The following LRRC36 variants were observed in gnomAD, a reference collection of about 807,000 sequenced individuals.
LRRC36 encodes leucine rich repeat containing 36.
LRRC36 carries 62 observed loss-of-function variants against 81.1 expected under a neutral mutation model. The observed-to-expected ratio is 0.76, with a 90% CI of 0.62 to 0.94. The LOEUF is 0.94. Among genes scored for constraint, LRRC36 ranks in the 40% least tolerant of loss-of-function variants. The pLI, the probability that LRRC36 is intolerant of heterozygous loss-of-function variation, is 0.00. For synonymous variants in LRRC36, 334 were observed against 348.6 expected, an observed-to-expected ratio of 0.96 and a Z score of 0.47; for missense variants, 761 against 881.7, an observed-to-expected ratio of 0.86 and a Z score of 1.73.
Position 67,375,328 on chromosome 16 carries a change from GC to G in LRRC36, c.1578del (p.Thr527LeufsTer38), listed in dbSNP as rs2039845489. 4 of 1,612,294 alleles carry G rather than the reference GC, an allele frequency of 2.5e-6. No homozygotes were observed. In the East Asian group the frequency reaches 8.9e-5, roughly 36 times the overall value. On this transcript the variant is annotated frameshift_variant, in exon 10 of 14. Coordinates refer to ENST00000329956, the MANE Select transcript of LRRC36 (RefSeq NM_018296.6). LOFTEE classifies it high-confidence loss of function. ...PPISARTPHV[A>X]TVLRQLLELV... ...CATCTCTGCCAGAACCCCCCATGTG[GC>G]CACTGTCCTCAGACAGCTCCTGGAG... is the stretch of plus-strand genomic sequence containing the variant.
intron 1 of LRRC36, among the ~76,000 whole-genome samples, chr16:67,330,583 T>A (rs2037433657): frequency 6.6e-6 from 1 of 152,084 alleles, no homozygotes; most frequent in Non-Finnish European, 1.5e-5. Flanking sequence ...GTCTTAGGGC[T>A]GGGCATGGTC....
At chr16:67,342,760 A>G (rs1349600900) in intron 2 of LRRC36, among the ~76,000 whole-genome samples, 1 of 152,198 alleles carries the variant, frequency 6.6e-6, no homozygotes, top group Non-Finnish European at 1.5e-5. Context: ...ATTTTGCCCA[A>G]GCTCTGCACC....
chr16:67,341,566 A>AT (rs2038083861), intron 1 of LRRC36, among the ~76,000 whole-genome samples: 2 of 151,116 alleles, frequency 1.3e-5, no homozygotes, highest in African/African-American at 4.9e-5. Flanking sequence ...TTTCTTTTTA[A>AT]TTTTTTTTAC....
At chr16:67,358,809 G>T (rs1025193849) in intron 5 of LRRC36, among the ~76,000 whole-genome samples, 5 of 152,080 alleles carry the variant, frequency 3.3e-5, no homozygotes, top group Non-Finnish European at 5.9e-5. Context: ...CTATTCATCT[G>T]GGAAATGCAA....
At chr16:67,342,388 G>C (rs2038131457) in intron 2 of LRRC36, among the ~76,000 whole-genome samples, 1 of 152,128 alleles carries the variant, frequency 6.6e-6, no homozygotes, top group African/African-American at 2.4e-5. Flanking sequence ...TAGAAGTACA[G>C]ATTCTCAGTC....
chr16:67,360,501 T>A (rs554563837), intron 5 of LRRC36, among the ~76,000 whole-genome samples: 2 of 152,284 alleles, frequency 1.3e-5, no homozygotes, highest in African/African-American at 4.8e-5. Context: ...TACTAACCAT[T>A]CTCATTTGCA....
intron 6 of LRRC36, among the ~76,000 whole-genome samples, chr16:67,364,132 A>G (rs2039281727): frequency 6.6e-6 from 1 of 152,214 alleles, no homozygotes; most frequent in Admixed American, 6.5e-5. Flanking sequence ...TGACTTTCCC[A>G]AAGCTGCCTC....
chr16:67,368,134 T>C (rs988871426), intron 8 of LRRC36, among the ~76,000 whole-genome samples: 4 of 152,188 alleles, frequency 2.6e-5, no homozygotes, highest in Non-Finnish European at 5.9e-5. Flanking sequence ...ACCAAACTCA[T>C]TGAACACCTA....
At chr16:67,378,806 G>C in intron 12 of LRRC36, 94 bp downstream of exon 12, 1 of 1,421,954 alleles carries the variant, frequency 7.0e-7, no homozygotes, top group East Asian at 2.4e-5. Flanking sequence ...GCTAGCTCAC[G>C]TGGCTGCCTT....
At chr16:67,359,695 T>C (rs2039059756) in intron 5 of LRRC36, among the ~76,000 whole-genome samples, 1 of 152,208 alleles carries the variant, frequency 6.6e-6, no homozygotes. Context: ...ACTTGGTAAT[T>C]GAGATTTCAG....
At chr16:67,334,732 A>G (rs1260417774) in intron 1 of LRRC36, among the ~76,000 whole-genome samples, 2 of 152,118 alleles carry the variant, frequency 1.3e-5, no homozygotes, top group Non-Finnish European at 2.9e-5. Flanking sequence ...TATCAGGTGA[A>G]ATTCACCCCC....
At chr16:67,330,464 A>G (rs935767546) in intron 1 of LRRC36, among the ~76,000 whole-genome samples, 1 of 152,216 alleles carries the variant, frequency 6.6e-6, no homozygotes, top group Non-Finnish European at 1.5e-5. Flanking sequence ...TTCACCTTAT[A>G]TGCCAGCTTT....
At chr16:67,328,152 A>G (rs1009010144) in intron 1 of LRRC36, among the ~76,000 whole-genome samples, 110 of 152,242 alleles carry the variant, frequency 7.2e-4, no homozygotes, top group African/African-American at 2.6e-3. Flanking sequence ...GGGGGGAAAT[A>G]TGTAATATTT....
At chr16:67,376,593 C>T in intron 10 of LRRC36, 134 bp from the exon 11 acceptor site, 1 of 854,634 alleles carries the variant, frequency 1.2e-6, no homozygotes. Context: ...CCTCTTTCTG[C>T]CACTTACTAA....
chr16:67,370,832 G>T lies in LRRC36; in HGVS notation c.1196-112G>T, dbSNP rs375180407. 3.8e-6 allele frequency: 3 copies of T among 793,244 alleles called. No homozygotes were observed. In the Admixed American group the frequency reaches 6.8e-5, roughly 18 times the overall value. The allele number at this position is 793,244 out of a possible 1,614,324, so 49.1% of individuals were successfully genotyped here. A position where few individuals can be genotyped will look rare whatever the true frequency, so the allele number is the denominator to read the frequency against. On this transcript the variant is annotated intron_variant, in intron 8 of 13. Coordinates refer to ENST00000329956, the MANE Select transcript of LRRC36 (RefSeq NM_018296.6). ...GGAGTTTTGTCAGAGAGTTGAGGAT[G>T]TATGCTAGGGAGTGGTTATTATGAC...
At chr16:67,377,181 G>A (rs897172220) in intron 11 of LRRC36, among the ~76,000 whole-genome samples, 7 of 152,186 alleles carry the variant, frequency 4.6e-5, no homozygotes, top group Admixed American at 4.6e-4. Context: ...TTTCACCCCA[G>A]CAAATGTATC....
rs186168521 is a variant in LRRC36 at position 67,366,435 on chromosome 16, T to C, written c.755-582T>C. Among the ~76,000 whole-genome samples the C allele has an allele frequency of 1.4e-3, 215 of 152,080 alleles. 1 individual carries two copies. The highest frequency in any genetic ancestry group is 5.1e-3 in the African/African-American group (211 of 41,490). ...TTTGAGACCAGCATGGCCAACATGG[T>C]GAAACTCCATCTCTACAAAAAATAC... On this transcript the variant is annotated intron_variant, in intron 7 of 13. Transcript: ENST00000329956.
chr16:67,348,066 A>G (rs2038437934), intron 4 of LRRC36, among the ~76,000 whole-genome samples: 1 of 152,356 alleles, frequency 6.6e-6, no homozygotes, highest in East Asian at 1.9e-4. Flanking sequence ...TCTGAATGGT[A>G]GCTTTGTCCA....
intron 2 of LRRC36, among the ~76,000 whole-genome samples, chr16:67,343,475 T>A (rs560191455): frequency 3.3e-5 from 5 of 151,898 alleles, no homozygotes; most frequent in Non-Finnish European, 7.4e-5. Flanking sequence ...GGTGGGTGGA[T>A]CCCGAAGTCA....
Sources: gnomAD v4.1 joint callset for allele counts (sites outside exome capture counted in the v4.1 genomes callset) on GRCh38, gnomAD v4.1.1 for gene constraint, MANE v1.5 for transcripts, NCBI Gene and HGNC (gene_info 2026-07-23, HGNC 2026-07-21) for gene names.